The following PCDH9 variants were observed in gnomAD, a reference collection of about 807,000 sequenced individuals.
PCDH9 encodes the protein protocadherin 9, also known as protocadherin-9.
Under a neutral mutation model 70.6 loss-of-function variants are expected in PCDH9, and 24 were observed. That is an observed-to-expected ratio of 0.34 (90% CI 0.25 to 0.48). PCDH9 has a LOEUF of 0.48. Ranked by LOEUF, PCDH9 falls within the 20% of genes least tolerant of loss-of-function variation. The probability of loss-of-function intolerance (pLI) is 0.99; values close to 1 mark genes in which losing one functional copy is unlikely to be tolerated. For missense variants in PCDH9, 1,281 were observed against 1,503.6 expected (o/e 0.85, Z 2.45); for synonymous variants, 562 against 558.5 (o/e 1.01, Z -0.09).
At chr13:66,954,594 T>C (rs1200830871) in intron 2 of PCDH9, among the ~76,000 whole-genome samples, 1 of 152,192 alleles carries the variant, frequency 6.6e-6, no homozygotes, top group Non-Finnish European at 1.5e-5. Context: ...GTTCCTTCCA[T>C]AGCATCTTGG....
chr13:66,932,033 T>C (rs1213180289), intron 2 of PCDH9, among the ~76,000 whole-genome samples: 2 of 152,042 alleles, frequency 1.3e-5, no homozygotes, highest in Non-Finnish European at 2.9e-5. Flanking sequence ...TATGGTAGAT[T>C]AGTGAGAGGA....
intron 3 of PCDH9, among the ~76,000 whole-genome samples, chr13:66,708,232 G>A (rs1003268916): frequency 6.6e-6 from 1 of 151,040 alleles, no homozygotes; most frequent in South Asian, 2.1e-4. Context: ...TGTATTTTTA[G>A]TAGAGACGGG....
At chr13:66,759,080 A>G (rs1217042824) in intron 3 of PCDH9, among the ~76,000 whole-genome samples, 2 of 151,782 alleles carry the variant, frequency 1.3e-5, no homozygotes, top group Non-Finnish European at 2.9e-5. Context: ...TCTTTGTTTC[A>G]TTAATCTTTT....
intron 4 of PCDH9, among the ~76,000 whole-genome samples, chr13:66,443,733 G>A (rs1334303555): frequency 6.6e-6 from 1 of 152,058 alleles, no homozygotes; most frequent in Admixed American, 6.6e-5. Context: ...TTAAGCAACA[G>A]CTTGAGTAAA....
intron 2 of PCDH9, among the ~76,000 whole-genome samples, chr13:67,174,306 G>GATAC (rs768285646): frequency 5.6e-5 from 8 of 142,398 alleles, no homozygotes; most frequent in African/African-American, 1.9e-4. Context: ...TAGATAGATA[G>GATAC]ATAGATAGAT....
chr13:67,065,658 T>A (rs2085632952), intron 2 of PCDH9, among the ~76,000 whole-genome samples: 1 of 152,182 alleles, frequency 6.6e-6, no homozygotes, highest in Non-Finnish European at 1.5e-5. Context: ...CCACCACCAC[T>A]GGTTTTGAAA....
intron 3 of PCDH9, among the ~76,000 whole-genome samples, chr13:66,702,265 A>G (rs1406896395): frequency 6.6e-6 from 1 of 152,206 alleles, no homozygotes; most frequent in African/African-American, 2.4e-5. Flanking sequence ...TAAAATTTCC[A>G]TCACTAAATA....
At chr13:66,512,273 C>A (rs1325863035) in intron 4 of PCDH9, among the ~76,000 whole-genome samples, 5 of 136,208 alleles carry the variant, frequency 3.7e-5, no homozygotes, top group Non-Finnish European at 7.7e-5. Flanking sequence ...TATACAGATA[C>A]CTTAGGAATT....
intron 2 of PCDH9, among the ~76,000 whole-genome samples, chr13:67,140,937 T>G (rs1389519306): frequency 6.6e-6 from 1 of 152,224 alleles, no homozygotes; most frequent in Non-Finnish European, 1.5e-5. Context: ...TAATTTTTCT[T>G]TCTTTTGCTT....
chr13:66,579,262 A>C (rs1235984472), intron 4 of PCDH9, among the ~76,000 whole-genome samples: 1 of 152,096 alleles, frequency 6.6e-6, no homozygotes, highest in African/African-American at 2.4e-5. Flanking sequence ...AAATATATAA[A>C]TCAAAATAAG....
At position 66,355,502 on chromosome 13, in the gene PCDH9, A is replaced by C. The variant is rs140932984; in HGVS notation, c.3341-50474T>G. ...TTTTTGATGGTGATTTTGTTGTTTA[A>C]AATGGCCTCAAGCATAGGGCTGACA... is the stretch of plus-strand genomic sequence containing the variant. On this transcript the variant is annotated intron_variant, in intron 4 of 4. Transcript: ENST00000377865. Among the ~76,000 whole-genome samples, 147 of 152,086 alleles carry C rather than the reference A, an allele frequency of 9.7e-4. 4 individuals carry two copies. The East Asian group carries it at 0.02, about 20-fold the overall frequency.
At chr13:67,176,662 T>C (rs1416426007) in intron 2 of PCDH9, among the ~76,000 whole-genome samples, 1 of 152,058 alleles carries the variant, frequency 6.6e-6, no homozygotes, top group Non-Finnish European at 1.5e-5. Flanking sequence ...TTATCTATAA[T>C]AGAACATCAA....
intron 3 of PCDH9, among the ~76,000 whole-genome samples, chr13:66,879,819 C>T (rs1412959072): frequency 2.6e-5 from 4 of 151,740 alleles, no homozygotes; most frequent in African/African-American, 9.7e-5. Flanking sequence ...ATTAAATGTA[C>T]AATAGGTTGA....
At chr13:66,507,114 A>C (rs553730689) in intron 4 of PCDH9, among the ~76,000 whole-genome samples, 6 of 144,002 alleles carry the variant, frequency 4.2e-5, no homozygotes, top group African/African-American at 1.5e-4. Flanking sequence ...TCATTACTGA[A>C]TCACCAACTT....
intron 4 of PCDH9, among the ~76,000 whole-genome samples, chr13:66,586,749 T>C (rs2138800806): frequency 6.6e-6 from 1 of 152,272 alleles, no homozygotes; most frequent in East Asian, 1.9e-4. Context: ...AACCCTACTG[T>C]AATACTATTA....
chr13:66,431,337 T>A (rs1957767798), intron 4 of PCDH9, among the ~76,000 whole-genome samples: 1 of 152,076 alleles, frequency 6.6e-6, no homozygotes, highest in Non-Finnish European at 1.5e-5. Context: ...AGTATTAATA[T>A]CTTGATTTAA....
chr13:67,226,105 C>G lies in PCDH9; in HGVS notation c.2336G>C (p.Gly779Ala). 6.2e-7 allele frequency: 1 copy of G among 1,614,084 alleles called. No individual in the cohort carries two copies. Among genetic ancestry groups the G allele is most frequent in the Non-Finnish European group, 8.5e-7 (1 of 1,180,016 alleles). ...CAAGTCATAGATATAGGAGGCATTT[C>G]CAGCAGTGTCGTTAACATAAAGGAA... Reference protein sequence around the residue: ...LVFLYVNDTAGNASYIYDLIR... With the variant: ...LVFLYVNDTAANASYIYDLIR... Residue 779 changes from glycine to alanine, a missense_variant, in exon 2 of 5, where the codon GGA becomes GCA. Coordinates refer to ENST00000377865, the MANE Select transcript of PCDH9 (RefSeq NM_203487.3). This position sits in a 1 kb window ranked among gnomAD's most constrained non-coding sequence, Gnocchi z 5.0.
intron 2 of PCDH9, among the ~76,000 whole-genome samples, chr13:67,107,431 C>A (rs1408573645): frequency 6.6e-6 from 1 of 152,156 alleles, no homozygotes; most frequent in Non-Finnish European, 1.5e-5. Flanking sequence ...CTCACAGAGA[C>A]ATTGGGACAA....
chr13:66,803,829 T>C (rs913360545), intron 3 of PCDH9, among the ~76,000 whole-genome samples: 1 of 152,190 alleles, frequency 6.6e-6, no homozygotes, highest in Non-Finnish European at 1.5e-5. Flanking sequence ...TCTAAAAATG[T>C]GTAGCATAAC....
Sources: allele counts gnomAD v4.1 joint callset (sites outside exome capture counted in the v4.1 genomes callset), GRCh38; gene constraint gnomAD v4.1.1; non-coding constraint Gnocchi (gnomAD v3.1); transcripts MANE v1.5; gene names NCBI Gene and HGNC (gene_info 2026-07-23, HGNC 2026-07-21).